The following ACO2 variants were observed in gnomAD, a reference collection of about 807,000 sequenced individuals.
The protein encoded by ACO2 is aconitate hydratase, mitochondrial.
ACO2 carries 31 observed loss-of-function variants against 84.5 expected under a neutral mutation model. The observed-to-expected ratio is 0.37, with a 90% CI of 0.28 to 0.50. The LOEUF (loss-of-function observed/expected upper bound fraction) is 0.50. ACO2 is among the 20% of genes least tolerant of loss of function. ACO2 has a pLI of 0.97. For missense variants in ACO2, 685 were observed against 1,029.3 expected, an observed-to-expected ratio of 0.67 and a Z score of 4.58; for synonymous variants, 414 against 412.7, an observed-to-expected ratio of 1.00 and a Z score of -0.04.
chr22:41,476,233 C>G (rs891165104), intron 1 of ACO2, among the ~76,000 whole-genome samples: 1 of 151,370 alleles, frequency 6.6e-6, no homozygotes, highest in Non-Finnish European at 1.5e-5. Flanking sequence ...CATGGTGAAA[C>G]CCCGTCTGTA....
chr22:41,494,000 A>G (rs1425436431), intron 1 of ACO2, among the ~76,000 whole-genome samples: 1 of 152,216 alleles, frequency 6.6e-6, no homozygotes, highest in Non-Finnish European at 1.5e-5. Flanking sequence ...CAGAGGTTGC[A>G]GTGAGCTGAG....
At chr22:41,518,603 T>A in intron 8 of ACO2, 31 bp downstream of exon 8, 1 of 1,547,426 alleles carries the variant, frequency 6.5e-7, no homozygotes, top group Non-Finnish European at 8.9e-7. Flanking sequence ...GTTCAAGAAG[T>A]TTCTGAGAGT....
intron 1 of ACO2, among the ~76,000 whole-genome samples, chr22:41,486,523 T>C (rs1410249719): frequency 6.8e-6 from 1 of 146,146 alleles, no homozygotes; most frequent in Non-Finnish European, 1.5e-5. Flanking sequence ...CAGGCTGGAG[T>C]GCAGTGGCGC....
intron 1 of ACO2, among the ~76,000 whole-genome samples, chr22:41,474,024 C>T (rs1416609243): frequency 6.6e-6 from 1 of 152,100 alleles, no homozygotes; most frequent in East Asian, 1.9e-4. Context: ...CTGCTGCGTG[C>T]ATGATGGACC....
At position 41,507,850 on chromosome 22, in the gene ACO2, C is replaced by T; in HGVS notation, c.233C>T (p.Ala78Val). The change falls in exon 3 of 18, where the codon GCC becomes GTC. Residue 78 changes from alanine (A) to valine (V), a missense_variant. Transcript: ENST00000216254. The stretch of plus-strand genomic sequence containing the variant: ...GTGTATGGACACCTGGATGACCCCG[C>T]CAGCCAGGAAATTGAGCGAGGCAAG... ...KIVYGHLDDPASQEIERGKSY... is the reference protein window; with the variant it reads ...KIVYGHLDDPVSQEIERGKSY... 6.2e-7 allele frequency: 1 copy of T among 1,614,238 alleles called. No homozygotes were observed. The highest frequency in any genetic ancestry group is 2.2e-5 in the East Asian group (1 of 44,884).
At position 41,518,463 on chromosome 22, in the gene ACO2, G is replaced by T. The variant is rs376182038; in HGVS notation, c.941-18G>T. 2.1e-5 allele frequency: 33 copies of T among 1,597,596 alleles called. No homozygotes were observed. The highest frequency in any genetic ancestry group is 2.3e-5 in the Non-Finnish European group (27 of 1,166,186). On this transcript the variant is annotated intron_variant, in intron 7 of 17. Transcript: ENST00000216254. ...TTTATGTTTCACGTGCTCCATCCCC[G>T]TCCCTTGTTGATTTCAGACATTGCC...
chr22:41,477,813 TC>T (rs1305697253), intron 1 of ACO2, among the ~76,000 whole-genome samples: 1 of 151,736 alleles, frequency 6.6e-6, no homozygotes, highest in Non-Finnish European at 1.5e-5. Context: ...ACGCCTGTAA[TC>T]CCAGCACTTT....
At position 41,470,682 on chromosome 22, in the gene ACO2, A is replaced by G. The variant is rs113723345; in HGVS notation, c.36+1500A>G. ...CTCAGCTTCCCGAGTAGCTGGGATTACAGGTGTGCACCACCATGCTTGGCT... is the reference window on the plus strand; with the variant it reads ...CTCAGCTTCCCGAGTAGCTGGGATTGCAGGTGTGCACCACCATGCTTGGCT... On this transcript the variant is annotated intron_variant, in intron 1 of 17. Transcript: ENST00000216254. Among the ~76,000 whole-genome samples, 190 of 151,898 alleles carry G rather than the reference A, an allele frequency of 1.3e-3. 3 individuals are homozygous for G. The highest frequency in any genetic ancestry group is 4.4e-3 in the African/African-American group (182 of 41,418).
At chr22:41,522,737 C>T (rs964776243) in intron 9 of ACO2, 93 bp from the exon 10 acceptor site, 25 of 1,457,852 alleles carry the variant, frequency 1.7e-5, no homozygotes, top group East Asian at 7.0e-5. Context: ...ATGGTGAACT[C>T]TTTTGGCCAA....
intron 1 of ACO2, among the ~76,000 whole-genome samples, chr22:41,478,741 G>A (rs934509812): frequency 2.0e-5 from 3 of 150,034 alleles, no homozygotes; most frequent in Non-Finnish European, 3.0e-5. Context: ...TAAAACCCCC[G>A]CCCTGTCCCT....
intron 6 of ACO2, among the ~76,000 whole-genome samples, chr22:41,517,055 C>A (rs560002039): frequency 6.6e-5 from 10 of 152,238 alleles, no homozygotes; most frequent in Admixed American, 2.6e-4. Context: ...GGGCAGGCCA[C>A]CAGGCAGACA....
Position 41,505,524 on chromosome 22 carries a change from C to T in ACO2, c.174-2267C>T, listed in dbSNP as rs183073522. The stretch of plus-strand genomic sequence containing the variant: ...GGTGTGGAGAGACCGGGTAGATTAG[C>T]GTCAGGAGCACAGCCGTAGGGCCAC... On this transcript the variant is annotated intron_variant, in intron 2 of 17. Transcript: ENST00000216254. Among the ~76,000 whole-genome samples, 685 of 152,204 alleles carry T rather than the reference C, an allele frequency of 4.5e-3. 3 individuals are homozygous for T. The highest frequency in any genetic ancestry group is 7.5e-3 in the Non-Finnish European group (509 of 68,024).
chr22:41,526,537 T>C, intron 15 of ACO2, 84 bp downstream of exon 15: 7 of 1,459,566 alleles, frequency 4.8e-6, no homozygotes, highest in Non-Finnish European at 6.4e-6. Context: ...ATTAGGGGAG[T>C]GGAAACTGGG....
chr22:41,526,258 C>G lies in ACO2; in HGVS notation c.1762-4C>G. 6.2e-7 allele frequency: 1 copy of G among 1,610,870 alleles called. No individual in the cohort carries two copies. Among genetic ancestry groups the G allele is most frequent in the Non-Finnish European group, 8.5e-7 (1 of 1,179,018 alleles). On this transcript the variant is annotated splice_polypyrimidine_tract_variant and splice_region_variant and intron_variant, in intron 14 of 17. Coordinates refer to ENST00000216254, the MANE Select transcript of ACO2 (RefSeq NM_001098.3). ...ACCTCTGTCCTCTCTACTTACCACCCAAGGTCAAAGGGAAGTGTACCACTG... is the reference window on the plus strand; with the variant it reads ...ACCTCTGTCCTCTCTACTTACCACCGAAGGTCAAAGGGAAGTGTACCACTG...
chr22:41,504,609 A>G (rs1027589032), intron 2 of ACO2, among the ~76,000 whole-genome samples: 2 of 151,582 alleles, frequency 1.3e-5, no homozygotes, highest in East Asian at 1.9e-4. Context: ...TGCTGCCGCA[A>G]TCGGCGCAGG....
At chr22:41,505,853 G>C (rs923362828) in intron 2 of ACO2, among the ~76,000 whole-genome samples, 1 of 152,172 alleles carries the variant, frequency 6.6e-6, no homozygotes, top group Non-Finnish European at 1.5e-5. Flanking sequence ...GGTGTATACA[G>C]TGTCAAAACT....
chr22:41,473,835 G>A (rs532317686), intron 1 of ACO2, among the ~76,000 whole-genome samples: 2 of 152,274 alleles, frequency 1.3e-5, no homozygotes, highest in Admixed American at 6.5e-5. Flanking sequence ...ACCCACCTAG[G>A]TATGAGCTGA....
Position 41,474,679 on chromosome 22 carries a change from A to T in ACO2, c.36+5497A>T, listed in dbSNP as rs2037989861. On this transcript the variant is annotated intron_variant, in intron 1 of 17. Coordinates refer to ENST00000216254, the MANE Select transcript of ACO2 (RefSeq NM_001098.3). ...AGTGGCGCGATCTTGGCTCACTGCA[A>T]GCTCCGCCTCCCAGGTTCACGCCAT... 2.1e-5 allele frequency among the ~76,000 whole-genome samples: 3 copies of T among 140,152 alleles called. No individual in the cohort carries two copies. The South Asian group carries it at 6.8e-4, about 32-fold the overall frequency. 91.9% of individuals were successfully genotyped at this position (140,152 alleles called of 152,430 possible).
chr22:41,479,054 G>A (rs1375151839), intron 1 of ACO2, among the ~76,000 whole-genome samples: 2 of 152,178 alleles, frequency 1.3e-5, no homozygotes, highest in Admixed American at 1.3e-4. Flanking sequence ...TGTTCACAGA[G>A]CTCTAAGACA....
Sources: gnomAD v4.1 joint callset for allele counts (sites outside exome capture counted in the v4.1 genomes callset) on GRCh38, gnomAD v4.1.1 for gene constraint, MANE v1.5 for transcripts, NCBI Gene and HGNC (gene_info 2026-07-23, HGNC 2026-07-21) for gene names.